PDE4DIP: variants seen among roughly 807,000 people sequenced by gnomAD.
PDE4DIP encodes the protein myomegalin.
Under a neutral mutation model 221.4 loss-of-function variants are expected in PDE4DIP, and 59 were observed. That is an observed-to-expected ratio of 0.27 (90% CI 0.22 to 0.33). The LOEUF (loss-of-function observed/expected upper bound fraction) is 0.33, where lower values mean the gene tolerates loss of function less well. PDE4DIP is among the 10% of genes least tolerant of loss of function. The pLI, the probability that PDE4DIP is intolerant of heterozygous loss-of-function variation, is 1.00. For synonymous variants in PDE4DIP, 404 were observed against 815.9 expected, an observed-to-expected ratio of 0.50 and a Z score of 8.60; for missense variants, 1,036 against 2,154.2, an observed-to-expected ratio of 0.48 and a Z score of 10.28.
intron 8 of PDE4DIP, 50 bp downstream of exon 11, chr1:148,962,338 A>G (rs1553512391): frequency 2.0e-6 from 3 of 1,508,650 alleles, no homozygotes; most frequent in Non-Finnish European, 1.8e-6. Context: ...GGGATGTGCC[A>G]TTTTGGTTGC....
chr1:148,922,721 G>A (rs1267620294), intron 1 of PDE4DIP, among the ~76,000 whole-genome samples: 1 of 149,666 alleles, frequency 6.7e-6, no homozygotes, highest in African/African-American at 2.5e-5. Context: ...CGGAGTAGCT[G>A]GGACTACAGG....
At chr1:148,952,851 C>T (rs376645110) in intron 5 of PDE4DIP, 2 of 1,400,264 alleles carry the variant, frequency 1.4e-6, no homozygotes, top group African/African-American at 1.4e-5. Context: ...TTCCACACGG[C>T]GTCCAAGCTC....
chr1:148,986,859 G>A (rs782528904), intron 21 of PDE4DIP, among the ~76,000 whole-genome samples: 4 of 152,144 alleles, frequency 2.6e-5, no homozygotes, highest in African/African-American at 9.7e-5. Flanking sequence ...AAGAATAAAA[G>A]AGACCATGAG....
rs1553467836 is a variant in PDE4DIP at position 148,929,254 on chromosome 1, C to T, written c.199C>T (p.Gln67Ter). The T allele has an allele frequency of 9.9e-6, 16 of 1,613,040 alleles. No individual in the cohort carries two copies. Among genetic ancestry groups the T allele is most frequent in the Non-Finnish European group, 1.2e-5 (14 of 1,179,440 alleles). Residue 67 changes from glutamine (Q) to a stop codon, truncating the protein, a stop_gained, in exon 2 of 44, where the codon CAG becomes TAG. Transcript: ENST00000369354. LOFTEE classifies it high-confidence loss of function. ...GAAACGAGAACTCCAGGACAAGAAA[C>T]AGCATCTGGATAAAACATGGTAAGT...
chr1:148,923,421 A>T (rs2045938984), intron 1 of PDE4DIP, among the ~76,000 whole-genome samples: 1 of 149,304 alleles, frequency 6.7e-6, no homozygotes, highest in Middle Eastern at 3.2e-3. Flanking sequence ...CTGCACAAAG[A>T]GGTGAGAGAC....
Position 148,971,518 on chromosome 1 carries a change from C to T in PDE4DIP, c.1981-662C>T, listed in dbSNP as rs1259906357. 1.1e-4 allele frequency among the ~76,000 whole-genome samples: 17 copies of T among 151,616 alleles called. 1 individual carries two copies. The East Asian group carries it at 3.3e-3, about 29-fold the overall frequency. ...GTGTACAGCATGATGTGTTGATATA[C>T]ATATACATTTTGAAGTGATTGCCAC... On this transcript the variant is annotated intron_variant, in intron 14 of 43. Transcript: ENST00000369354.
At chr1:149,016,712 A>C (rs1367030156) in intron 33 of PDE4DIP, among the ~76,000 whole-genome samples, 162 bp downstream of exon 36, 1 of 151,216 alleles carries the variant, frequency 6.6e-6, no homozygotes, top group Non-Finnish European at 1.5e-5. Context: ...TTCCAAGTAC[A>C]TTTCTTCATT....
intron 5 of PDE4DIP, among the ~76,000 whole-genome samples, chr1:148,949,401 AAG>A (rs2052592362): frequency 6.7e-6 from 1 of 149,830 alleles, no homozygotes; most frequent in African/African-American, 2.5e-5. Flanking sequence ...TTTTAGGTTC[AAG>A]TTTTACCACT....
rs782334544 is a variant in PDE4DIP, at chr1:149,010,446, C to T, written c.4931C>T (p.Ser1644Phe). Residue 1644 changes from serine (S) to phenylalanine (F), a missense_variant, in exon 31 of 44, where the codon TCC becomes TTC. Physicochemically the swap from Ser to Phe is radical, Grantham distance 155. Transcript: ENST00000369354. The stretch of plus-strand genomic sequence containing the variant: ...CTTTCATTCATGGATTTTATAGATT[C>T]CATCCATCATTCGAGTCATTCTGCT... 7.4e-6 allele frequency: 12 copies of T among 1,612,884 alleles called. No individual in the cohort carries two copies. In the Admixed American group the frequency reaches 8.3e-5, roughly 11 times the overall value.
At chr1:148,967,884 T>G (rs2058473976) in exon 13 of PDE4DIP, 1 of 965,600 alleles carries the variant, frequency 1.0e-6, no homozygotes, top group African/African-American at 1.6e-5. Flanking sequence ...CGTCTCTTCA[T>G]GATAGGAACA....
chr1:148,982,019 G>A (rs2061195645), intron 21 of PDE4DIP: 2 of 154,038 alleles, frequency 1.3e-5, no homozygotes, highest in African/African-American at 4.8e-5. Context: ...TAGACTGCAA[G>A]TATTGGGAAG....
In PDE4DIP at chr1:148,937,692, A is replaced by G. The variant is rs587650488; in HGVS notation, c.519-55A>G. On this transcript the variant is annotated intron_variant, in intron 4 of 43. Coordinates refer to ENST00000369354, the Ensembl canonical transcript of PDE4DIP. ...ATCTTTGGAATGGGCTGAAAAAATA[A>G]GGTAATAATAGTATCATGATCATAA... The G allele has an allele frequency of 4.4e-4, 358 of 815,238 alleles. No homozygotes were observed. The African/African-American group carries it at 5.2e-3, about 12-fold the overall frequency. The allele number at this position is 815,238 out of a possible 1,614,324, so 50.5% of individuals were successfully genotyped here.
At chr1:149,007,046 C>T in intron 27 of PDE4DIP, 155 bp from the exon 31 acceptor site, 2 of 599,816 alleles carry the variant, frequency 3.3e-6, no homozygotes. Flanking sequence ...GTAGAATTTA[C>T]TCTTAAATAC....
chr1:148,926,241 TA>T (rs1204190305), intron 1 of PDE4DIP, among the ~76,000 whole-genome samples: 1 of 85,150 alleles, frequency 1.2e-5, no homozygotes, highest in East Asian at 3.1e-4. Flanking sequence ...GGCATAGGAA[TA>T]TCATTGATAA....
chr1:149,028,675 C>G, exon 41 of PDE4DIP: 4 of 1,599,638 alleles, frequency 2.5e-6, no homozygotes, highest in Non-Finnish European at 3.4e-6. Flanking sequence ...CTGCCAAGCA[C>G]CCACATCCCT....
intron 1 of PDE4DIP, chr1:148,844,518 T>C (rs1445033): frequency 1.8e-5 from 2 of 111,810 alleles, no homozygotes; most frequent in South Asian, 4.5e-4. Flanking sequence ...CGCGCCGCTC[T>C]GAGTCCAGCC....
At chr1:148,951,696 T>G (rs1283342043) in intron 5 of PDE4DIP, among the ~76,000 whole-genome samples, 2 of 152,306 alleles carry the variant, frequency 1.3e-5, no homozygotes, top group Non-Finnish European at 2.9e-5. Context: ...ATCTTCAAGA[T>G]CTTGGTTAAC....
At chr1:148,926,261 CATAATT>C (rs1230898846) in intron 1 of PDE4DIP, among the ~76,000 whole-genome samples, 9 of 93,562 alleles carry the variant, frequency 9.6e-5, no homozygotes, top group Non-Finnish European at 1.9e-4. Flanking sequence ...AATAACACTT[CATAATT>C]ATAGATTCCA....
At chr1:148,990,157 G>A in intron 21 of PDE4DIP, 4 of 921,738 alleles carry the variant, frequency 4.3e-6, no homozygotes, top group Non-Finnish European at 5.2e-6. Context: ...GATCAGCCTG[G>A]GCCATTGCAA....
Sources: allele counts gnomAD v4.1 joint callset (sites outside exome capture counted in the v4.1 genomes callset), GRCh38; gene constraint gnomAD v4.1.1; transcripts MANE v1.5; gene names NCBI Gene and HGNC (gene_info 2026-07-23, HGNC 2026-07-21).